Variants in VAV2 observed in about 807,000 individuals in gnomAD.
VAV2 encodes the protein guanine nucleotide exchange factor VAV2.
Under a neutral mutation model 132.5 loss-of-function variants are expected in VAV2, and 67 were observed. The ratio of observed to expected loss-of-function variants is 0.51; its 90% CI spans 0.42 to 0.62. The LOEUF (loss-of-function observed/expected upper bound fraction) is 0.62. Among genes scored for constraint, VAV2 ranks in the 20% least tolerant of loss-of-function variants. The pLI is 0.00. For missense variants in VAV2, 938 were observed against 1,153.6 expected (o/e 0.81, Z 2.71); for synonymous variants, 492 against 443.5 (o/e 1.11, Z -1.37).
chr9:133,788,546 A>C lies in VAV2; in HGVS notation c.1275-60T>G, dbSNP rs1320466680. 1.1e-5 allele frequency: 17 copies of C among 1,567,406 alleles called. No individual in the cohort carries two copies. In the East Asian group the frequency reaches 1.1e-4, roughly 11 times the overall value. ...CAGCACTGTGTGCTCTGCTCCGAGG[A>C]GGCGGCAGGAGCTGAGCCTGAGGCT... On this transcript the variant is annotated intron_variant, in intron 14 of 29. Transcript: ENST00000371850. The surrounding 1 kb of genome is among the most constrained non-coding windows in gnomAD (Gnocchi z 5.3).
intron 2 of VAV2, among the ~76,000 whole-genome samples, chr9:133,924,724 T>G (rs1454366216): frequency 1.3e-5 from 2 of 152,188 alleles, no homozygotes; most frequent in Non-Finnish European, 2.9e-5. Flanking sequence ...GGTGATGGTC[T>G]CCTGAGCCCT....
At chr9:133,832,526 C>A (rs1349489992) in intron 4 of VAV2, among the ~76,000 whole-genome samples, 1 of 152,132 alleles carries the variant, frequency 6.6e-6, no homozygotes, top group Non-Finnish European at 1.5e-5. Flanking sequence ...TCTCAGAAGC[C>A]TGCATGCTGG....
intron 1 of VAV2, among the ~76,000 whole-genome samples, chr9:133,947,110 C>T (rs529787938): frequency 5.9e-5 from 9 of 152,332 alleles, no homozygotes; most frequent in African/African-American, 2.2e-4. Context: ...AGAGAGTCCA[C>T]GATGCCTTCC....
At chr9:133,780,559 G>T in intron 20 of VAV2, 135 bp downstream of exon 20, 2 of 1,115,226 alleles carry the variant, frequency 1.8e-6, no homozygotes, top group South Asian at 6.7e-5. Flanking sequence ...GGCATCTTGT[G>T]ACCAAAAGTG....
At chr9:133,837,522 C>T (rs1036634648) in intron 3 of VAV2, among the ~76,000 whole-genome samples, 2 of 152,016 alleles carry the variant, frequency 1.3e-5, no homozygotes, top group Admixed American at 6.6e-5. Context: ...TACGGTGAAA[C>T]CCCGTCTCTA....
At chr9:133,913,619 G>A (rs1839958636) in intron 2 of VAV2, among the ~76,000 whole-genome samples, 1 of 152,224 alleles carries the variant, frequency 6.6e-6, no homozygotes, top group Non-Finnish European at 1.5e-5. Flanking sequence ...CACAGTAGGT[G>A]CACAATCGAC....
intron 9 of VAV2, among the ~76,000 whole-genome samples, chr9:133,800,800 G>A (rs887997290): frequency 2.6e-5 from 4 of 152,182 alleles, no homozygotes; most frequent in African/African-American, 7.2e-5. Flanking sequence ...ATGCTCTACC[G>A]GGAACACCCA....
intron 2 of VAV2, among the ~76,000 whole-genome samples, chr9:133,922,766 G>A (rs1029481058): frequency 2.0e-5 from 3 of 152,204 alleles, no homozygotes; most frequent in Admixed American, 2.0e-4. Context: ...AAAAACATAG[G>A]GGAAAAGTTT....
intron 2 of VAV2, among the ~76,000 whole-genome samples, chr9:133,874,113 C>G (rs1039690052): frequency 6.6e-6 from 1 of 152,230 alleles, no homozygotes; most frequent in Non-Finnish European, 1.5e-5. Context: ...CTCTCCACGC[C>G]GCCCTGCCCT....
At chr9:133,878,332 C>T (rs546704266) in intron 2 of VAV2, among the ~76,000 whole-genome samples, 6 of 152,304 alleles carry the variant, frequency 3.9e-5, no homozygotes, top group Admixed American at 1.3e-4. Context: ...GACCCAAGCA[C>T]GATCGAGGCT....
intron 1 of VAV2, among the ~76,000 whole-genome samples, chr9:133,970,545 G>T (rs1842295395): frequency 6.6e-6 from 1 of 152,214 alleles, no homozygotes; most frequent in African/African-American, 2.4e-5. Flanking sequence ...CCTGTGGTTG[G>T]TGTACCTGGT....
intron 4 of VAV2, among the ~76,000 whole-genome samples, chr9:133,821,823 C>G (rs544637701): frequency 6.6e-6 from 1 of 152,198 alleles, no homozygotes; most frequent in East Asian, 1.9e-4. Flanking sequence ...TGGGCCTCCA[C>G]GGCCAGACCT....
intron 4 of VAV2, among the ~76,000 whole-genome samples, chr9:133,830,631 T>G (rs1836226827): frequency 6.6e-6 from 1 of 152,224 alleles, no homozygotes; most frequent in Admixed American, 6.5e-5. Context: ...CCTTTACAAT[T>G]CAAGCAATCT....
At chr9:133,765,584 G>T (rs1833404118) in intron 29 of VAV2, among the ~76,000 whole-genome samples, 1 of 152,236 alleles carries the variant, frequency 6.6e-6, no homozygotes, top group Admixed American at 6.5e-5. Context: ...CCAGATTAAA[G>T]AGAGTTAAGG....
At chr9:133,777,064 A>T (rs1272851043) in intron 23 of VAV2, among the ~76,000 whole-genome samples, 1 of 152,148 alleles carries the variant, frequency 6.6e-6, no homozygotes, top group Non-Finnish European at 1.5e-5. Flanking sequence ...AAGAGATCTT[A>T]TAGAGTCCCC....
intron 4 of VAV2, among the ~76,000 whole-genome samples, chr9:133,827,644 A>G (rs112688693): frequency 0.13 from 599 of 4,440 alleles, 206 homozygotes; most frequent in East Asian, 0.58. Context: ...TGGGGGCATC[A>G]CCACCTACCG....
intron 9 of VAV2, among the ~76,000 whole-genome samples, chr9:133,803,395 C>G (rs1835014036): frequency 6.6e-6 from 1 of 151,680 alleles, no homozygotes. Context: ...TGCCCCCACT[C>G]CCCGCAGCAT....
chr9:133,784,190 G>A, intron 18 of VAV2, 127 bp downstream of exon 18: 1 of 1,021,914 alleles, frequency 9.8e-7, no homozygotes, highest in Non-Finnish European at 1.5e-6. Context: ...GACTCTTGTG[G>A]GGTATACTCC....
intron 3 of VAV2, among the ~76,000 whole-genome samples, chr9:133,837,556 G>A (rs1379641306): frequency 2.6e-5 from 4 of 151,870 alleles, no homozygotes; most frequent in Admixed American, 6.6e-5. Context: ...AAAATTAGCC[G>A]GGCGCGGTGG....
Sources: gnomAD v4.1 joint callset for allele counts (sites outside exome capture counted in the v4.1 genomes callset) on GRCh38, gnomAD v4.1.1 for gene constraint, Gnocchi (gnomAD v3.1) non-coding constraint, MANE v1.5 for transcripts, NCBI Gene and HGNC (gene_info 2026-07-23, HGNC 2026-07-21) for gene names.